Variants in ATG7 observed in about 807,000 individuals in gnomAD.
The protein encoded by ATG7 is autophagy related 7, also known as ubiquitin-like modifier-activating enzyme ATG7.
In ATG7, 70 loss-of-function variants were observed where a neutral mutation model predicts 82.4. The ratio of observed to expected loss-of-function variants is 0.85; its 90% CI spans 0.70 to 1.04. ATG7 has a LOEUF of 1.04. ATG7 is among the 50% of genes least tolerant of loss of function. The pLI is 0.00. For missense variants in ATG7, 792 were observed against 864.3 expected (o/e 0.92, Z 1.05); for synonymous variants, 287 against 313.0 (o/e 0.92, Z 0.88).
chr3:11,420,618 G>T (rs1657981314), intron 19 of ATG7, among the ~76,000 whole-genome samples: 2 of 152,144 alleles, frequency 1.3e-5, no homozygotes, highest in Middle Eastern at 3.4e-3. Context: ...AGCTAATATT[G>T]CAGTAAATCA....
chr3:11,329,579 T>G (rs920409855), intron 9 of ATG7, among the ~76,000 whole-genome samples: 3 of 152,216 alleles, frequency 2.0e-5, no homozygotes. Context: ...TGCTCTGTAT[T>G]TATGAAGGAG....
intron 18 of ATG7, among the ~76,000 whole-genome samples, chr3:11,378,586 G>A (rs2077614745): frequency 6.8e-6 from 1 of 147,926 alleles, no homozygotes; most frequent in Non-Finnish European, 1.5e-5. Context: ...TCGGGAGGCT[G>A]AGGCAGGAGA....
rs578122951 is a variant in ATG7, at chr3:11,365,053, C to T, written c.1875+319C>T. Among the ~76,000 whole-genome samples, 20 of 152,264 alleles carry T rather than the reference C, an allele frequency of 1.3e-4. No homozygotes were observed. The South Asian group carries it at 3.5e-3, about 27-fold the overall frequency. On this transcript the variant is annotated intron_variant, in intron 18 of 20. Transcript: ENST00000693202. ...ACAATGGTTTAAATCCCAGCCCTGC[C>T]GTTATAAAGATGGCCTTCTTTGGCC...
At chr3:11,275,891 T>C (rs1193996711) in intron 1 of ATG7, among the ~76,000 whole-genome samples, 2 of 152,200 alleles carry the variant, frequency 1.3e-5, no homozygotes, top group African/African-American at 2.4e-5. Context: ...TTGAACTTGC[T>C]CTGGTTTGTC....
chr3:11,338,630 C>T (rs1450307690), intron 11 of ATG7, among the ~76,000 whole-genome samples: 1 of 152,150 alleles, frequency 6.6e-6, no homozygotes, highest in Non-Finnish European at 1.5e-5. Flanking sequence ...GCTTCAGCAA[C>T]ATAGCAAGAC....
At chr3:11,570,921 C>G in the ATG7 span, among the ~76,000 whole-genome samples, 1 of 152,320 alleles carries the variant, frequency 6.6e-6, no homozygotes, top group Middle Eastern at 3.4e-3. Flanking sequence ...CAGTGAGCAA[C>G]AAGGTGCCTG....
intron 19 of ATG7, among the ~76,000 whole-genome samples, chr3:11,418,978 C>A (rs1388353765): frequency 6.6e-6 from 1 of 152,008 alleles, no homozygotes; most frequent in Non-Finnish European, 1.5e-5. Flanking sequence ...CCCCCCCGAT[C>A]CAGTCACCGC....
At chr3:11,558,686 G>T (rs765140042), downstream of ATG7, 1 of 1,613,904 alleles carries the variant, frequency 6.2e-7, no homozygotes, top group South Asian at 1.1e-5. Flanking sequence ...CTGGAGCCAC[G>T]TGTCACCCAG....
chr3:11,394,367 C>T (rs2079047521), intron 19 of ATG7, among the ~76,000 whole-genome samples: 1 of 152,172 alleles, frequency 6.6e-6, no homozygotes, highest in East Asian at 1.9e-4. Flanking sequence ...GAAACTGGAT[C>T]AGTTGCTTCT....
intron 19 of ATG7, among the ~76,000 whole-genome samples, chr3:11,392,363 G>A (rs1332914140): frequency 2.6e-5 from 4 of 151,800 alleles, no homozygotes; most frequent in Non-Finnish European, 2.9e-5. Flanking sequence ...TTGAAGTAGG[G>A]TAGCTTTCTC....
the ATG7 span, among the ~76,000 whole-genome samples, chr3:11,572,108 A>G: frequency 6.6e-6 from 1 of 151,552 alleles, no homozygotes; most frequent in African/African-American, 2.4e-5. Context: ...ACCCTGTCTC[A>G]AAAAAAAAGT....
At chr3:11,551,731 A>G (rs1222793847) in intron 20 of ATG7, among the ~76,000 whole-genome samples, 2 of 147,632 alleles carry the variant, frequency 1.4e-5, no homozygotes, top group East Asian at 4.1e-4. Context: ...TGCCCAGCCA[A>G]TATAATGGGT....
intron 19 of ATG7, among the ~76,000 whole-genome samples, chr3:11,390,924 C>A (rs1332277153): frequency 1.3e-5 from 2 of 152,182 alleles, no homozygotes; most frequent in Non-Finnish European, 2.9e-5. Flanking sequence ...TACCCACTAA[C>A]CATGTGACCT....
intron 20 of ATG7, among the ~76,000 whole-genome samples, chr3:11,500,413 A>T (rs1347342652): frequency 6.6e-6 from 1 of 152,194 alleles, no homozygotes; most frequent in African/African-American, 2.4e-5. Flanking sequence ...CCAAAAAAAT[A>T]GAAGTAACAA....
intron 20 of ATG7, among the ~76,000 whole-genome samples, chr3:11,438,881 GTGT>G (rs1399364059): frequency 6.6e-6 from 1 of 152,090 alleles, no homozygotes; most frequent in Non-Finnish European, 1.5e-5. Flanking sequence ...TCCCTGGGAG[GTGT>G]TCTTGCAGTT....
chr3:11,497,640 G>A (rs2090960480), intron 20 of ATG7, among the ~76,000 whole-genome samples: 1 of 150,424 alleles, frequency 6.6e-6, no homozygotes, highest in South Asian at 2.1e-4. Flanking sequence ...AACTCGTACA[G>A]TGCTTGTCTA....
At chr3:11,346,889 C>T (rs777373618) in intron 13 of ATG7, among the ~76,000 whole-genome samples, 7 of 152,200 alleles carry the variant, frequency 4.6e-5, no homozygotes, top group Admixed American at 1.3e-4. Flanking sequence ...CTGTCGTTCT[C>T]GACACAGAAA....
intron 20 of ATG7, among the ~76,000 whole-genome samples, chr3:11,495,239 G>A (rs1419357914): frequency 3.3e-5 from 5 of 152,186 alleles, no homozygotes; most frequent in African/African-American, 9.7e-5. Context: ...CATGGACCTT[G>A]AAGTATGGAC....
At chr3:11,359,920 G>A (rs904804367) in intron 15 of ATG7, among the ~76,000 whole-genome samples, 1 of 148,704 alleles carries the variant, frequency 6.7e-6, no homozygotes, top group Admixed American at 6.7e-5. Context: ...TGAGAACTAT[G>A]TAGACTTGGT....
Sources: gnomAD v4.1 joint callset for allele counts (sites outside exome capture counted in the v4.1 genomes callset) on GRCh38, gnomAD v4.1.1 for gene constraint, MANE v1.5 for transcripts, NCBI Gene and HGNC (gene_info 2026-07-23, HGNC 2026-07-21) for gene names.